The following STK32B variants were observed in gnomAD, a reference collection of about 807,000 sequenced individuals.
STK32B encodes the protein serine/threonine-protein kinase 32B.
In STK32B, 43 loss-of-function variants were observed where a neutral mutation model predicts 52.6. The observed-to-expected ratio is 0.82, with a 90% CI of 0.64 to 1.05. The LOEUF (loss-of-function observed/expected upper bound fraction) is 1.05. STK32B is among the 50% of genes least tolerant of loss of function. STK32B has a pLI of 0.00. For synonymous variants in STK32B, 238 were observed against 204.3 expected (o/e 1.17, Z -1.41); for missense variants, 621 against 534.6 (o/e 1.16, Z -1.59).
At chr4:5,433,740 A>T (rs1713792577) in intron 6 of STK32B, among the ~76,000 whole-genome samples, 1 of 152,168 alleles carries the variant, frequency 6.6e-6, no homozygotes. Context: ...CTCCACTGCA[A>T]ATATCAAAAC....
At chr4:5,168,551 G>A (rs1719076543) in intron 3 of STK32B, 101 bp downstream of exon 3, 2 of 1,370,688 alleles carry the variant, frequency 1.5e-6, no homozygotes, top group Admixed American at 2.8e-5. Context: ...TAAAGGGAAA[G>A]GGATGCAATT....
chr4:5,147,573 C>T (rs1295817679), intron 2 of STK32B, among the ~76,000 whole-genome samples: 2 of 151,958 alleles, frequency 1.3e-5, no homozygotes, highest in African/African-American at 4.8e-5. Flanking sequence ...TTCAGAGATG[C>T]TCTTTATCAA....
intron 3 of STK32B, among the ~76,000 whole-genome samples, chr4:5,247,631 G>A (rs879481128): frequency 1.3e-5 from 2 of 152,142 alleles, no homozygotes; most frequent in Non-Finnish European, 2.9e-5. Context: ...TACCTCAGTT[G>A]GAAATGCAGA....
chr4:5,026,748 C>T, the STK32B span, among the ~76,000 whole-genome samples: 4 of 152,146 alleles, frequency 2.6e-5, no homozygotes, highest in African/African-American at 9.7e-5. Context: ...CCTGCCTGCT[C>T]CCTGTGTTCC....
intron 3 of STK32B, among the ~76,000 whole-genome samples, chr4:5,170,880 G>C (rs909202322): frequency 2.6e-5 from 4 of 152,160 alleles, no homozygotes. Flanking sequence ...CTGAGGAATC[G>C]CCACATTGAC....
In STK32B at chr4:5,351,105, C is replaced by A. The variant is rs182510328; in HGVS notation, c.434+19712C>A. 2.6e-5 allele frequency among the ~76,000 whole-genome samples: 4 copies of A among 152,086 alleles called. No homozygotes were observed. The East Asian group carries it at 7.7e-4, about 29-fold the overall frequency. Reference sequence around the variant, plus strand: ...ACAACAACAACAACCACGAAACACACTGGTTTTATACTCCACATAAGACCA... The same window carrying A: ...ACAACAACAACAACCACGAAACACAATGGTTTTATACTCCACATAAGACCA... On this transcript the variant is annotated intron_variant, in intron 4 of 11. Transcript: ENST00000282908.
chr4:5,239,380 T>A (rs1577229635), intron 3 of STK32B, among the ~76,000 whole-genome samples: 1 of 151,646 alleles, frequency 6.6e-6, no homozygotes, highest in African/African-American at 2.4e-5. Flanking sequence ...AGGCAGGAGG[T>A]CGGCACCGTC....
At chr4:5,229,102 T>C (rs1010060627) in intron 3 of STK32B, among the ~76,000 whole-genome samples, 15 of 152,270 alleles carry the variant, frequency 9.9e-5, no homozygotes, top group African/African-American at 3.6e-4. Context: ...AGTCAGCACA[T>C]GTCTTTGGAA....
chr4:5,331,940 T>A (rs963373522), intron 4 of STK32B, among the ~76,000 whole-genome samples: 3 of 152,198 alleles, frequency 2.0e-5, no homozygotes, highest in Non-Finnish European at 2.9e-5. Context: ...TGACTTTGCC[T>A]GCAGAAGCTG....
rs932435391 is a variant in STK32B at position 5,289,161 on chromosome 4, A to T, written c.261-42059A>T. Among the ~76,000 whole-genome samples, 2 of 151,332 alleles carry T rather than the reference A, an allele frequency of 1.3e-5. 1 individual carries two copies. The highest frequency in any genetic ancestry group is 4.1e-4 in the South Asian group (2 of 4,828). On this transcript the variant is annotated intron_variant, in intron 3 of 11. Transcript: ENST00000282908. ...ATAACCTATTACTTCTAGGTTACAG[A>T]TATATGTAGGATGTTACTGTACTAA... is the stretch of plus-strand genomic sequence containing the variant.
chr4:5,196,274 C>A lies in STK32B; in HGVS notation c.260+27824C>A, dbSNP rs999431819. ...AGGGCCTGCGTGGGCTGATGCCACC[C>A]CGCGAGGTTCTCTTCTTCTTTCCTT... On this transcript the variant is annotated intron_variant, in intron 3 of 11. Coordinates refer to ENST00000282908, the MANE Select transcript of STK32B (RefSeq NM_018401.3). Among the ~76,000 whole-genome samples the A allele has an allele frequency of 5.9e-5, 9 of 151,670 alleles. No homozygotes were observed. The East Asian group carries it at 9.7e-4, about 16-fold the overall frequency.
At chr4:5,257,261 G>A (rs1027924050) in intron 3 of STK32B, among the ~76,000 whole-genome samples, 1 of 145,954 alleles carries the variant, frequency 6.9e-6, no homozygotes, top group African/African-American at 2.8e-5. Flanking sequence ...GTGAATGAAT[G>A]AGTGAATGAT....
chr4:5,075,519 A>AT (rs1300539322), intron 1 of STK32B, among the ~76,000 whole-genome samples: 5 of 152,144 alleles, frequency 3.3e-5, no homozygotes, highest in Non-Finnish European at 5.9e-5. Context: ...CATTTCAGCC[A>AT]TTAACCCTTG....
At chr4:5,166,695 T>C (rs1018543988) in intron 2 of STK32B, among the ~76,000 whole-genome samples, 1 of 151,842 alleles carries the variant, frequency 6.6e-6, no homozygotes. Flanking sequence ...AGGACCCTGC[T>C]GACACCTTGG....
intron 3 of STK32B, among the ~76,000 whole-genome samples, chr4:5,210,669 C>A (rs1011646469): frequency 6.6e-6 from 1 of 152,122 alleles, no homozygotes; most frequent in East Asian, 1.9e-4. Flanking sequence ...AAGGCATTGG[C>A]AGGCATTCAA....
At chr4:5,299,522 T>C (rs924786520) in intron 3 of STK32B, among the ~76,000 whole-genome samples, 1 of 152,190 alleles carries the variant, frequency 6.6e-6, no homozygotes, top group Non-Finnish European at 1.5e-5. Context: ...TTGAGTAAGG[T>C]GTCCTTTCCC....
intron 2 of STK32B, among the ~76,000 whole-genome samples, chr4:5,159,215 C>G (rs979959043): frequency 6.6e-6 from 1 of 152,158 alleles, no homozygotes; most frequent in South Asian, 2.1e-4. Flanking sequence ...TGCAGTCTCT[C>G]TGTGTACGCT....
chr4:5,136,541 G>T (rs989649545), intron 1 of STK32B, among the ~76,000 whole-genome samples: 55 of 152,126 alleles, frequency 3.6e-4, no homozygotes, highest in African/African-American at 1.3e-3. Flanking sequence ...CCCCAGACTG[G>T]GTAGTTTTCA....
At chr4:5,255,112 G>A (rs533213841) in intron 3 of STK32B, among the ~76,000 whole-genome samples, 3 of 152,162 alleles carry the variant, frequency 2.0e-5, no homozygotes, top group Non-Finnish European at 4.4e-5. Flanking sequence ...CAGCAGAATG[G>A]TATGTTACTT....
Sources: allele counts gnomAD v4.1 joint callset (sites outside exome capture counted in the v4.1 genomes callset), GRCh38; gene constraint gnomAD v4.1.1; transcripts MANE v1.5; gene names NCBI Gene and HGNC (gene_info 2026-07-23, HGNC 2026-07-21).